FTCDNL1: variants seen among roughly 807,000 people sequenced by gnomAD.
The protein encoded by FTCDNL1 is formiminotransferase cyclodeaminase N-terminal like, also known as formiminotransferase N-terminal subdomain-containing protein.
A neutral mutation model predicts 5.9 loss-of-function variants in FTCDNL1; 11 were observed. The ratio of observed to expected loss-of-function variants is 1.87; its 90% CI spans 1.18 to 3.10. The LOEUF (loss-of-function observed/expected upper bound fraction) is 3.10. Among genes scored for constraint, FTCDNL1 ranks in the 30% most tolerant of loss-of-function variants. The probability of loss-of-function intolerance (pLI) is 0.00; values close to 1 mark genes in which losing one functional copy is unlikely to be tolerated. For missense variants in FTCDNL1, 115 were observed against 65.5 expected, an observed-to-expected ratio of 1.76 and a Z score of -2.61; for synonymous variants, 58 against 24.8, an observed-to-expected ratio of 2.34 and a Z score of -3.99.
intron 3 of FTCDNL1, among the ~76,000 whole-genome samples, chr2:199,831,779 G>C (rs963686876): frequency 6.6e-6 from 1 of 152,080 alleles, no homozygotes; most frequent in Non-Finnish European, 1.5e-5. Flanking sequence ...TTGAAACAGA[G>C]AATTAATTAA....
chr2:199,715,728 A>G, the FTCDNL1 span, among the ~76,000 whole-genome samples: 1 of 152,268 alleles, frequency 6.6e-6, no homozygotes, highest in Non-Finnish European at 1.5e-5. Flanking sequence ...GAGGAAACTG[A>G]GACACAGAGA....
At chr2:199,750,225 T>C in the FTCDNL1 span, among the ~76,000 whole-genome samples, 1 of 151,342 alleles carries the variant, frequency 6.6e-6, no homozygotes, top group Non-Finnish European at 1.5e-5. Context: ...AGCTTGGTGG[T>C]ATGTGCCTTG....
At chr2:199,673,978 G>A in the FTCDNL1 span, among the ~76,000 whole-genome samples, 1 of 152,064 alleles carries the variant, frequency 6.6e-6, no homozygotes, top group South Asian at 2.1e-4. Flanking sequence ...TCTCAGCCCA[G>A]CCCAAGTCTA....
At chr2:199,729,865 C>T in the FTCDNL1 span, among the ~76,000 whole-genome samples, 76 of 152,196 alleles carry the variant, frequency 5.0e-4, no homozygotes, top group African/African-American at 1.6e-3. Flanking sequence ...AAATTTTATA[C>T]GGAACCAAAA....
At chr2:199,694,864 T>C in the FTCDNL1 span, among the ~76,000 whole-genome samples, 1 of 152,072 alleles carries the variant, frequency 6.6e-6, no homozygotes, top group South Asian at 2.1e-4. Flanking sequence ...AAAATATTCA[T>C]TGACTTAAAA....
At chr2:199,717,997 A>AC in the FTCDNL1 span, among the ~76,000 whole-genome samples, 2 of 151,676 alleles carry the variant, frequency 1.3e-5, no homozygotes, top group South Asian at 2.1e-4. Flanking sequence ...AAAAAAAAAA[A>AC]AACAAAAAAA....
chr2:199,784,507 T>A (rs1699536691), intron 3 of FTCDNL1, among the ~76,000 whole-genome samples: 1 of 152,130 alleles, frequency 6.6e-6, no homozygotes, highest in South Asian at 2.1e-4. Context: ...GCTCTGAGAT[T>A]TGCATGCCAG....
intron 3 of FTCDNL1, among the ~76,000 whole-genome samples, chr2:199,777,247 C>T (rs544070308): frequency 9.9e-5 from 15 of 151,958 alleles, no homozygotes; most frequent in East Asian, 7.8e-4. Context: ...AAGCCAAGAT[C>T]GCGTTGCTGT....
At chr2:199,759,139 G>GTA (rs372109443), downstream of FTCDNL1, among the ~76,000 whole-genome samples, 18 of 151,128 alleles carry the variant, frequency 1.2e-4, no homozygotes, top group African/African-American at 3.6e-4. Flanking sequence ...ATATTTGTGT[G>GTA]TGTATATATA....
chr2:199,745,485 T>G, the FTCDNL1 span, among the ~76,000 whole-genome samples: 1 of 152,206 alleles, frequency 6.6e-6, no homozygotes, highest in Non-Finnish European at 1.5e-5. Flanking sequence ...TAGTCCATTT[T>G]CCCAATAGAG....
At chr2:199,680,450 G>A in the FTCDNL1 span, among the ~76,000 whole-genome samples, 1 of 152,172 alleles carries the variant, frequency 6.6e-6, no homozygotes, top group Non-Finnish European at 1.5e-5. Context: ...AGAAGACTCT[G>A]AAAATCATAT....
the FTCDNL1 span, among the ~76,000 whole-genome samples, chr2:199,680,609 A>G: frequency 2.0e-5 from 3 of 152,224 alleles, no homozygotes; most frequent in African/African-American, 7.2e-5. Context: ...GGGGATAAAT[A>G]AAGTTTCAGA....
At chr2:199,753,125 TAAAG>T in the FTCDNL1 span, among the ~76,000 whole-genome samples, 1 of 152,118 alleles carries the variant, frequency 6.6e-6, no homozygotes, top group Admixed American at 6.5e-5. Flanking sequence ...AGCAATTAAA[TAAAG>T]ACACATATAT....
intron 3 of FTCDNL1, among the ~76,000 whole-genome samples, chr2:199,778,033 C>T (rs1699180319): frequency 6.6e-6 from 1 of 152,012 alleles, no homozygotes; most frequent in Admixed American, 6.5e-5. Flanking sequence ...AAACATTAAC[C>T]AAAGTAGGTT....
chr2:199,838,370 C>G (rs1702903180), intron 3 of FTCDNL1, among the ~76,000 whole-genome samples: 1 of 152,136 alleles, frequency 6.6e-6, no homozygotes, highest in South Asian at 2.1e-4. Flanking sequence ...GTAGGGACTT[C>G]CAGGAAAACA....
At chr2:199,724,933 A>G in the FTCDNL1 span, among the ~76,000 whole-genome samples, 1 of 151,334 alleles carries the variant, frequency 6.6e-6, no homozygotes, top group East Asian at 2.0e-4. Context: ...AGTCCTGAAT[A>G]TCTTTAAAAA....
chr2:199,672,700 T>C, the FTCDNL1 span, among the ~76,000 whole-genome samples: 32 of 152,062 alleles, frequency 2.1e-4, no homozygotes, highest in African/African-American at 6.7e-4. Context: ...AACTGGACCT[T>C]CTCTAAGTGG....
intron 3 of FTCDNL1, among the ~76,000 whole-genome samples, chr2:199,821,499 C>T (rs1415657843): frequency 6.6e-6 from 1 of 151,328 alleles, no homozygotes; most frequent in Non-Finnish European, 1.5e-5. Flanking sequence ...GAGTTTCACG[C>T]TGTCGCCCAG....
chr2:199,704,893 A>G, the FTCDNL1 span, among the ~76,000 whole-genome samples: 1 of 152,182 alleles, frequency 6.6e-6, no homozygotes, highest in Non-Finnish European at 1.5e-5. Flanking sequence ...TAGGCAAAAT[A>G]TGCTATAAAA....
Sources: allele counts gnomAD v4.1 joint callset (sites outside exome capture counted in the v4.1 genomes callset), GRCh38; gene constraint gnomAD v4.1.1; transcripts MANE v1.5; gene names NCBI Gene and HGNC (gene_info 2026-07-23, HGNC 2026-07-21).